TBC1D5: variants seen among roughly 807,000 people sequenced by gnomAD.
TBC1D5 encodes the protein TBC1 domain family member 5, also known as TBC1 domain family, member 5.
A neutral mutation model predicts 100.3 loss-of-function variants in TBC1D5; 75 were observed. That is an observed-to-expected ratio of 0.75 (90% CI 0.62 to 0.91). The LOEUF (loss-of-function observed/expected upper bound fraction) is 0.91. Ranked by LOEUF, TBC1D5 falls within the 40% of genes least tolerant of loss-of-function variation. The pLI is 0.00. For synonymous variants in TBC1D5, 323 were observed against 325.6 expected, an observed-to-expected ratio of 0.99 and a Z score of 0.09; for missense variants, 910 against 942.4, an observed-to-expected ratio of 0.97 and a Z score of 0.45.
chr3:17,453,758 C>G (rs1375282704), intron 3 of TBC1D5, among the ~76,000 whole-genome samples: 1 of 152,118 alleles, frequency 6.6e-6, no homozygotes, highest in Non-Finnish European at 1.5e-5. Flanking sequence ...GGGATACTTC[C>G]AAACTAATTC....
intron 2 of TBC1D5, among the ~76,000 whole-genome samples, chr3:17,561,609 G>A (rs2096559849): frequency 6.6e-6 from 1 of 152,044 alleles, no homozygotes; most frequent in Admixed American, 6.6e-5. Context: ...TATAATACCA[G>A]GCCTCAATAA....
At position 17,635,921 on chromosome 3, in the gene TBC1D5, G is replaced by A. The variant is rs143613153; in HGVS notation, c.-100-12008C>T. Among the ~76,000 whole-genome samples the A allele has an allele frequency of 5.3e-5, 8 of 152,264 alleles. No homozygotes were observed. The East Asian group carries it at 9.7e-4, about 18-fold the overall frequency. ...TTAAAAGAATGTTTTGGCCGGACAC[G>A]GTGACTCATGCCTGTAATCTCAGCA... On this transcript the variant is annotated intron_variant, in intron 1 of 21. Coordinates refer to ENST00000253692, the Ensembl canonical transcript of TBC1D5.
In TBC1D5 at chr3:17,335,168, A is replaced by T. The variant is rs568826929; in HGVS notation, c.996-27034T>A. Among the ~76,000 whole-genome samples, 15 of 152,250 alleles carry T rather than the reference A, an allele frequency of 9.9e-5. No individual in the cohort carries two copies. In the East Asian group the frequency reaches 2.9e-3, roughly 29 times the overall value. Reference sequence around the variant, plus strand: ...TGGTATTACTAAACATATCTTAACAAGTTATGGTCTTATCTGACCCTAACT... The same window carrying T: ...TGGTATTACTAAACATATCTTAACATGTTATGGTCTTATCTGACCCTAACT... On this transcript the variant is annotated intron_variant, in intron 13 of 21. Coordinates refer to ENST00000253692, the Ensembl canonical transcript of TBC1D5.
chr3:17,564,722 A>G (rs2096582979), intron 2 of TBC1D5, among the ~76,000 whole-genome samples: 1 of 152,154 alleles, frequency 6.6e-6, no homozygotes, highest in African/African-American at 2.4e-5. Context: ...CTCTCTCTTA[A>G]GTAGTCAGCA....
chr3:17,605,243 T>G (rs1455284275), intron 2 of TBC1D5, among the ~76,000 whole-genome samples: 1 of 152,178 alleles, frequency 6.6e-6, no homozygotes, highest in East Asian at 1.9e-4. Context: ...GTCAAGCTCC[T>G]AAGCCACAAT....
intron 2 of TBC1D5, among the ~76,000 whole-genome samples, chr3:17,528,348 G>A (rs2096168515): frequency 6.6e-6 from 1 of 151,934 alleles, no homozygotes; most frequent in South Asian, 2.1e-4. Context: ...GTCCTTTTTC[G>A]CCCTTCCATC....
At chr3:17,238,230 G>C in exon 17 of TBC1D5, 2 of 1,614,000 alleles carry the variant, frequency 1.2e-6, no homozygotes, top group African/African-American at 2.7e-5. Context: ...GCTGTTGCAA[G>C]TGATGGCTTG....
chr3:17,363,519 C>T (rs916262885), intron 13 of TBC1D5, among the ~76,000 whole-genome samples: 1 of 151,732 alleles, frequency 6.6e-6, no homozygotes, highest in African/African-American at 2.4e-5. Flanking sequence ...TACAGGTGTG[C>T]ACCACCATAC....
intron 15 of TBC1D5, among the ~76,000 whole-genome samples, chr3:17,285,616 G>A (rs912633587): frequency 4.9e-4 from 74 of 152,138 alleles, no homozygotes; most frequent in Admixed American, 2.8e-3. Context: ...ATTAAGGAAA[G>A]GAACATTTTC....
At chr3:17,671,331 C>A (rs1056845774) in intron 1 of TBC1D5, among the ~76,000 whole-genome samples, 1 of 152,050 alleles carries the variant, frequency 6.6e-6, no homozygotes, top group Non-Finnish European at 1.5e-5. Flanking sequence ...GTGCTTCTCT[C>A]GTAGATGAAA....
At chr3:17,321,092 A>T (rs2085344637) in intron 13 of TBC1D5, among the ~76,000 whole-genome samples, 1 of 152,192 alleles carries the variant, frequency 6.6e-6, no homozygotes, top group Admixed American at 6.5e-5. Context: ...TTTAGAGACA[A>T]GGTCTCACTC....
At chr3:17,354,325 T>C (rs1354677504) in intron 13 of TBC1D5, among the ~76,000 whole-genome samples, 1 of 152,166 alleles carries the variant, frequency 6.6e-6, no homozygotes, top group Non-Finnish European at 1.5e-5. Context: ...CCTCTCCTTC[T>C]GATAGACTTT....
chr3:17,438,313 C>T (rs566800116), intron 3 of TBC1D5, among the ~76,000 whole-genome samples: 2 of 152,096 alleles, frequency 1.3e-5, no homozygotes, highest in South Asian at 4.2e-4. Context: ...AGTATTAAGG[C>T]CATAAAAGAT....
chr3:17,203,343 C>T (rs2071723077), intron 18 of TBC1D5, among the ~76,000 whole-genome samples: 2 of 152,164 alleles, frequency 1.3e-5, no homozygotes, highest in Non-Finnish European at 2.9e-5. Flanking sequence ...TTGGAAGTAA[C>T]TAGTTTTTAA....
At chr3:17,443,156 A>G (rs567209941) in intron 3 of TBC1D5, among the ~76,000 whole-genome samples, 21 of 152,228 alleles carry the variant, frequency 1.4e-4, no homozygotes, top group Non-Finnish European at 2.5e-4. Context: ...TAGAATCAAC[A>G]AAGACTTAAA....
chr3:17,706,412 CAACTT>C (rs2074174496), intron 1 of TBC1D5, among the ~76,000 whole-genome samples: 1 of 136,492 alleles, frequency 7.3e-6, no homozygotes, highest in Non-Finnish European at 1.6e-5. Flanking sequence ...CTCCTAGAAT[CAACTT>C]TACTTACACA....
At chr3:17,547,833 T>C (rs1439509552) in intron 2 of TBC1D5, among the ~76,000 whole-genome samples, 2 of 152,198 alleles carry the variant, frequency 1.3e-5, no homozygotes, top group African/African-American at 4.8e-5. Context: ...ATCTATGAAA[T>C]CTCAATTATA....
chr3:17,178,367 G>C (rs9754930), intron 19 of TBC1D5, among the ~76,000 whole-genome samples: 5,191 of 152,108 alleles, frequency 0.034, 300 homozygotes, highest in African/African-American at 0.12. Flanking sequence ...GCCTGGCCTA[G>C]TGCTCCATTC....
intron 15 of TBC1D5, among the ~76,000 whole-genome samples, chr3:17,275,988 G>GT (rs1023052474): frequency 6.6e-6 from 1 of 151,910 alleles, no homozygotes; most frequent in Non-Finnish European, 1.5e-5. Flanking sequence ...TAAGTAAGTT[G>GT]TTTTTTTTCC....
Sources: allele counts gnomAD v4.1 joint callset (sites outside exome capture counted in the v4.1 genomes callset), GRCh38; gene constraint gnomAD v4.1.1; transcripts MANE v1.5; gene names NCBI Gene and HGNC (gene_info 2026-07-23, HGNC 2026-07-21).